The following HMCN1 variants were observed in gnomAD, a reference collection of about 807,000 sequenced individuals.
HMCN1 encodes hemicentin 1.
A neutral mutation model predicts 625.9 loss-of-function variants in HMCN1; 321 were observed. That is an observed-to-expected ratio of 0.51 (90% CI 0.47 to 0.56). The LOEUF (loss-of-function observed/expected upper bound fraction) is 0.56. HMCN1 is among the 20% of genes least tolerant of loss of function. The pLI is 0.00. For missense variants in HMCN1, 6,588 were observed against 6,887.3 expected (o/e 0.96, Z 1.54); for synonymous variants, 2,425 against 2,417.6 (o/e 1.00, Z -0.09).
chr1:185,917,261 A>G (rs1666761683), intron 6 of HMCN1, among the ~76,000 whole-genome samples: 1 of 152,162 alleles, frequency 6.6e-6, no homozygotes, highest in South Asian at 2.1e-4. Flanking sequence ...GAAACATAGA[A>G]TGGCAAAGAA....
chr1:186,103,430 G>A, intron 68 of HMCN1, 42 bp from the exon 69 acceptor site: 1 of 1,525,800 alleles, frequency 6.6e-7, no homozygotes, highest in Non-Finnish European at 9.1e-7. Context: ...AATATTTTAT[G>A]AAACTGTGGG....
Position 186,015,226 on chromosome 1 carries a change from A to G in HMCN1, c.4698A>G (p.Lys1566=). The G allele has an allele frequency of 6.2e-7, 1 of 1,613,702 alleles. No homozygotes were observed. Among genetic ancestry groups the G allele is most frequent in the Non-Finnish European group, 8.5e-7 (1 of 1,179,740 alleles). The change falls in exon 31 of 107, where the codon AAA becomes AAG. Residue 1566 remains lysine, a synonymous_variant. Transcript: ENST00000271588. ...CAGTATTGATCAACAGCCTTATTAA[A>G]CTGGAATGTGAAACACGGGGACTTC... is the stretch of plus-strand genomic sequence containing the variant. The part of the protein sequence containing the change: ...DISVLINSLI[K]LECETRGLPM...
At chr1:185,802,098 A>G (rs1422147681) in intron 1 of HMCN1, among the ~76,000 whole-genome samples, 2 of 152,118 alleles carry the variant, frequency 1.3e-5, no homozygotes, top group African/African-American at 4.8e-5. Context: ...AGAGAAGTTC[A>G]AGAGCTATTT....
intron 1 of HMCN1, among the ~76,000 whole-genome samples, chr1:185,749,123 T>G (rs1005615504): frequency 3.3e-5 from 5 of 152,202 alleles, no homozygotes; most frequent in African/African-American, 9.7e-5. Context: ...GATATAGAGT[T>G]GGGAATAGAT....
chr1:186,064,048 AG>A (rs1463759539), intron 48 of HMCN1, among the ~76,000 whole-genome samples: 1 of 152,126 alleles, frequency 6.6e-6, no homozygotes, highest in Admixed American at 6.6e-5. Flanking sequence ...AAATAAGCAG[AG>A]GGGGGAATGT....
In HMCN1 at chr1:186,065,297, G is replaced by A. The variant is rs1030407686; in HGVS notation, c.7573G>A (p.Ala2525Thr). The A allele has an allele frequency of 1.2e-6, 2 of 1,612,122 alleles. No homozygotes were observed. The highest frequency in any genetic ancestry group is 1.7e-6 in the Non-Finnish European group (2 of 1,179,470). Residue 2525 changes from alanine (A) to threonine (T), a missense_variant, in exon 49 of 107, where the codon GCC (alanine) becomes ACC (threonine). Coordinates refer to ENST00000271588, the MANE Select transcript of HMCN1 (RefSeq NM_031935.3). ...TGGGCAGCCCCTCCAAGAAGATGAA[G>A]CCCATCACATTATATCTGGTGGCCG... is the stretch of plus-strand genomic sequence containing the variant. ...KDGQPLQEDE[A>T]HHIISGGRFL...
At chr1:186,179,243 C>T (rs1293939497) in intron 104 of HMCN1, among the ~76,000 whole-genome samples, 2 of 151,864 alleles carry the variant, frequency 1.3e-5, no homozygotes, top group East Asian at 1.9e-4. Context: ...CCACAGTCCT[C>T]GTGGAATTGC....
rs190204711 is a variant in HMCN1 at position 185,908,965 on chromosome 1, T to A, written c.622-372T>A. 8.9e-4 allele frequency among the ~76,000 whole-genome samples: 135 copies of A among 151,960 alleles called. 1 individual carries two copies. Among genetic ancestry groups the A allele is most frequent in the South Asian group, 4.1e-4 (2 of 4,824 alleles). On this transcript the variant is annotated intron_variant, in intron 4 of 106. Transcript: ENST00000271588. The stretch of plus-strand genomic sequence containing the variant: ...AAGAATAAAATCTGGAAAGAAAGAA[T>A]GGAAGAAGAAGGGATTGCACATGTT...
chr1:186,029,511 A>G (rs1410524057), intron 36 of HMCN1, among the ~76,000 whole-genome samples: 2 of 149,938 alleles, frequency 1.3e-5, no homozygotes, highest in African/African-American at 4.9e-5. Context: ...ATTTGTTGGC[A>G]TACAACTGTT....
chr1:185,832,532 G>T (rs1219300135), intron 1 of HMCN1, among the ~76,000 whole-genome samples: 2 of 152,034 alleles, frequency 1.3e-5, no homozygotes, highest in Non-Finnish European at 2.9e-5. Context: ...GAAAAAATGG[G>T]TTTTTCCATA....
At chr1:185,851,679 T>C (rs1662171599) in intron 2 of HMCN1, among the ~76,000 whole-genome samples, 2 of 152,118 alleles carry the variant, frequency 1.3e-5, no homozygotes, top group African/African-American at 4.8e-5. Flanking sequence ...ACATTCTTTA[T>C]AAGAAACTAT....
chr1:185,787,173 G>A (rs1423370756), intron 1 of HMCN1, among the ~76,000 whole-genome samples: 1 of 151,956 alleles, frequency 6.6e-6, no homozygotes, highest in African/African-American at 2.4e-5. Context: ...GTGTGTGTGT[G>A]TGTGTGCATG....
At chr1:186,070,880 G>T in intron 52 of HMCN1, 123 bp downstream of exon 52, 1 of 987,324 alleles carries the variant, frequency 1.0e-6, no homozygotes, top group Non-Finnish European at 1.6e-6. Flanking sequence ...ACTAGCAAAT[G>T]CCATGCTCCT....
chr1:186,024,689 T>C (rs772665141), intron 36 of HMCN1, among the ~76,000 whole-genome samples: 3 of 152,208 alleles, frequency 2.0e-5, no homozygotes, highest in Non-Finnish European at 4.4e-5. Context: ...ATAATAGGTA[T>C]AAAACATCTC....
intron 47 of HMCN1, among the ~76,000 whole-genome samples, chr1:186,062,166 A>G (rs1657746423): frequency 6.6e-6 from 1 of 152,212 alleles, no homozygotes; most frequent in Non-Finnish European, 1.5e-5. Context: ...GTTTTAATTC[A>G]CAATTGCTCA....
chr1:186,001,234 A>G (rs1653175560), intron 26 of HMCN1, 64 bp from the exon 27 acceptor site: 3 of 1,457,832 alleles, frequency 2.1e-6, no homozygotes, highest in Admixed American at 1.7e-5. Flanking sequence ...AGGCCCTTAT[A>G]AAGAAACTCT....
Position 186,112,821 on chromosome 1 carries a change from C to G in HMCN1, c.10999C>G (p.Arg3667Gly), listed in dbSNP as rs780823044. 3 of 1,614,016 alleles carry G rather than the reference C, an allele frequency of 1.9e-6. No individual in the cohort carries two copies. Among genetic ancestry groups the G allele is most frequent in the East Asian group, 2.2e-5 (1 of 44,890 alleles). Reference protein sequence around the residue: ...RNGERLQATPRVRILSGGRYL... With the variant: ...RNGERLQATPGVRILSGGRYL... The stretch of plus-strand genomic sequence containing the variant: ...TACTTGCTGAATCCAGGCAACACCT[C>G]GAGTGCGAATCCTATCTGGAGGGAG... The change falls in exon 72 of 107, where the codon CGA (arginine) becomes GGA (glycine). Residue 3667 changes from arginine (R) to glycine (G), a missense_variant. Transcript: ENST00000271588.
chr1:186,138,003 C>A (rs1438441095), intron 89 of HMCN1, 31 bp downstream of exon 89: 6 of 1,611,754 alleles, frequency 3.7e-6, no homozygotes, highest in Non-Finnish European at 5.1e-6. Flanking sequence ...CTAAGATAAA[C>A]AAAACTTTTC....
chr1:185,745,128 A>G (rs547191523), intron 1 of HMCN1, among the ~76,000 whole-genome samples: 1 of 152,352 alleles, frequency 6.6e-6, no homozygotes, highest in South Asian at 2.1e-4. Context: ...ATGCAAAGTT[A>G]GCTTTAAGAC....
Sources: gnomAD v4.1 joint callset for allele counts (sites outside exome capture counted in the v4.1 genomes callset) on GRCh38, gnomAD v4.1.1 for gene constraint, MANE v1.5 for transcripts, NCBI Gene and HGNC (gene_info 2026-07-23, HGNC 2026-07-21) for gene names.